Variants in CELF2 observed in about 807,000 individuals in gnomAD.
CELF2 encodes CUG triplet repeat RNA-binding protein 2.
Under a neutral mutation model 62.6 loss-of-function variants are expected in CELF2, and 8 were observed. That is an observed-to-expected ratio of 0.13 (90% CI 0.07 to 0.23). The LOEUF is 0.23. CELF2 is among the 10% of genes least tolerant of loss of function. The pLI is 1.00. For missense variants in CELF2, 333 were observed against 671.0 expected (o/e 0.50, Z 5.56); for synonymous variants, 258 against 250.0 (o/e 1.03, Z -0.30).
chr10:10,783,885 G>A, the CELF2 span, among the ~76,000 whole-genome samples: 1 of 152,254 alleles, frequency 6.6e-6, no homozygotes, highest in East Asian at 1.9e-4. Flanking sequence ...CTACTTGGGA[G>A]GCTGAGGCAG....
At chr10:10,664,262 A>G in the CELF2 span, among the ~76,000 whole-genome samples, 5 of 152,252 alleles carry the variant, frequency 3.3e-5, no homozygotes, top group East Asian at 9.6e-4. Flanking sequence ...GCAAGAAGAG[A>G]AATCACTACT....
rs545739484 is a variant in CELF2 at position 10,907,439 on chromosome 10, T to C, written c.54-12525T>C. The stretch of plus-strand genomic sequence containing the variant: ...TACAAATGTGCTTTTAAAGAACAAG[T>C]AGAGAAATAAAAGCTGTAATTGTTC... On this transcript the variant is annotated intron_variant, in intron 1 of 13. Coordinates refer to the CELF2 transcript ENST00000636488. 3.3e-5 allele frequency among the ~76,000 whole-genome samples: 5 copies of C among 152,250 alleles called. No individual in the cohort carries two copies. In the East Asian group the frequency reaches 9.6e-4, roughly 29 times the overall value.
At chr10:10,886,992 G>A (rs541524267) in intron 1 of CELF2, among the ~76,000 whole-genome samples, 4 of 152,192 alleles carry the variant, frequency 2.6e-5, no homozygotes, top group African/African-American at 7.2e-5. Flanking sequence ...TTTTGCCTGG[G>A]TGTCACAGCT....
In CELF2 at chr10:11,290,987, G is replaced by T. The variant is rs1036440331; in HGVS notation, c.976+2435G>T. 1.3e-5 allele frequency among the ~76,000 whole-genome samples: 2 copies of T among 152,214 alleles called. No individual in the cohort carries two copies. The highest frequency in any genetic ancestry group is 2.9e-5 in the Non-Finnish European group (2 of 68,028). On this transcript the variant is annotated intron_variant, in intron 9 of 12. Transcript: ENST00000633077. This position sits in a 1 kb window ranked among gnomAD's most constrained non-coding sequence, Gnocchi z 4.3. ...TTGAAAGTCACAGAAAATGTGGTTAGTAGAATTCATGAATCTCCACTTCAT... is the reference window on the plus strand; with the variant it reads ...TTGAAAGTCACAGAAAATGTGGTTATTAGAATTCATGAATCTCCACTTCAT...
At chr10:10,672,045 G>A in the CELF2 span, among the ~76,000 whole-genome samples, 2 of 152,140 alleles carry the variant, frequency 1.3e-5, no homozygotes, top group African/African-American at 4.8e-5. Flanking sequence ...GTCTTCTTAA[G>A]TGAGATGTCT....
chr10:10,922,558 A>G (rs535875821), intron 2 of CELF2: 3 of 152,336 alleles, frequency 2.0e-5, no homozygotes, highest in South Asian at 2.1e-4. Context: ...GTAGCGCTGT[A>G]TTTTGAATAC....
chr10:10,516,787 C>T, the CELF2 span, among the ~76,000 whole-genome samples: 18 of 151,910 alleles, frequency 1.2e-4, no homozygotes, highest in Admixed American at 9.8e-4. Flanking sequence ...CTCTCCCCAC[C>T]CCTTGCCACC....
the CELF2 span, among the ~76,000 whole-genome samples, chr10:10,521,601 A>T: frequency 6.6e-6 from 1 of 152,020 alleles, no homozygotes; most frequent in Non-Finnish European, 1.5e-5. Context: ...TAAGCTTTTA[A>T]CTCCCTTGAG....
the CELF2 span, among the ~76,000 whole-genome samples, chr10:10,570,382 A>G: frequency 1.3e-5 from 2 of 152,212 alleles, no homozygotes; most frequent in African/African-American, 4.8e-5. Context: ...TGAACTTAAC[A>G]ACCAATATTT....
Position 11,244,226 on chromosome 10 carries a change from C to A in CELF2, c.355-4927C>A, listed in dbSNP as rs975569561. 6.6e-6 allele frequency among the ~76,000 whole-genome samples: 1 copy of A among 152,248 alleles called. No homozygotes were observed. Among genetic ancestry groups the A allele is most frequent in the African/African-American group, 2.4e-5 (1 of 41,456 alleles). On this transcript the variant is annotated intron_variant, in intron 3 of 12. Transcript: ENST00000633077. This position sits in a 1 kb window ranked among gnomAD's most constrained non-coding sequence, Gnocchi z 4.2. ...CACTGGCTGCCGCCTGTCCTGGCACCTAGGGAAGATTTCATTCAGGAGTGA... is the reference window on the plus strand; with the variant it reads ...CACTGGCTGCCGCCTGTCCTGGCACATAGGGAAGATTTCATTCAGGAGTGA...
the CELF2 span, among the ~76,000 whole-genome samples, chr10:10,517,620 G>A: frequency 6.6e-6 from 1 of 152,214 alleles, no homozygotes; most frequent in Non-Finnish European, 1.5e-5. Context: ...CCAGGCTGAT[G>A]TCAGGTCTTA....
chr10:10,803,045 T>A (rs117493469), intron 1 of CELF2, among the ~76,000 whole-genome samples: 1 of 152,298 alleles, frequency 6.6e-6, no homozygotes, highest in East Asian at 1.9e-4. Context: ...TCCAAACTAT[T>A]GCCAGCTCCT....
At chr10:10,693,786 G>A in the CELF2 span, among the ~76,000 whole-genome samples, 99,652 of 148,674 alleles carry the variant, frequency 0.67, 34,313 homozygotes, top group South Asian at 0.82. Context: ...TAGATTTTCT[G>A]GTTTATTTGC....
At chr10:11,182,308 T>C (rs955040266) in intron 2 of CELF2, among the ~76,000 whole-genome samples, 6 of 152,232 alleles carry the variant, frequency 3.9e-5, no homozygotes, top group African/African-American at 1.4e-4. Context: ...TCTACTTTCC[T>C]AGATCCCGTA....
intron 1 of CELF2, among the ~76,000 whole-genome samples, chr10:11,084,943 A>G (rs1405449609): frequency 6.6e-6 from 1 of 152,204 alleles, no homozygotes; most frequent in African/African-American, 2.4e-5. Context: ...TAACACATTA[A>G]AAGTATCCTT....
At chr10:11,167,137 C>T (rs898871623) in intron 2 of CELF2, among the ~76,000 whole-genome samples, 5 of 152,152 alleles carry the variant, frequency 3.3e-5, no homozygotes, top group Admixed American at 6.5e-5. Flanking sequence ...CACAAATGAG[C>T]GCAATATTAA....
chr10:11,263,958 A>C (rs917716897), intron 5 of CELF2, among the ~76,000 whole-genome samples: 5 of 152,234 alleles, frequency 3.3e-5, no homozygotes, highest in Admixed American at 2.0e-4. Context: ...CCCACTTTAT[A>C]AATGACACTG....
intron 1 of CELF2, among the ~76,000 whole-genome samples, chr10:11,141,304 C>T (rs2061320961): frequency 6.6e-6 from 1 of 152,182 alleles, no homozygotes; most frequent in Non-Finnish European, 1.5e-5. Context: ...AGGCAAGGGG[C>T]AGTCCCCACG....
chr10:10,740,320 A>G, the CELF2 span, among the ~76,000 whole-genome samples: 1 of 152,136 alleles, frequency 6.6e-6, no homozygotes, highest in African/African-American at 2.4e-5. Context: ...ATAAAGGTCC[A>G]GTTTCATTAT....
Sources: allele counts gnomAD v4.1 joint callset (sites outside exome capture counted in the v4.1 genomes callset), GRCh38; gene constraint gnomAD v4.1.1; non-coding constraint Gnocchi (gnomAD v3.1); transcripts MANE v1.5; gene names NCBI Gene and HGNC (gene_info 2026-07-23, HGNC 2026-07-21).